Variants in XKR9 observed in about 807,000 individuals in gnomAD.
The protein encoded by XKR9 is XK related 9.
In XKR9, 32 loss-of-function variants were observed where a neutral mutation model predicts 32.0. That is an observed-to-expected ratio of 1.00 (90% confidence interval 0.76 to 1.34). The LOEUF (loss-of-function observed/expected upper bound fraction) is 1.34, where lower values mean the gene tolerates loss of function less well. XKR9 is among the 40% of genes most tolerant of loss of function. The probability of loss-of-function intolerance (pLI) is 0.00; values close to 1 mark genes in which losing one functional copy is unlikely to be tolerated. For synonymous variants in XKR9, 168 were observed against 143.4 expected, an observed-to-expected ratio of 1.17 and a Z score of -1.22; for missense variants, 546 against 429.7, an observed-to-expected ratio of 1.27 and a Z score of -2.39.
chr8:70,681,038 G>T lies in XKR9; in HGVS notation c.-21G>T, dbSNP rs375091216. On this transcript the variant is annotated 5_prime_UTR_variant, in exon 3 of 5. Transcript: ENST00000408926. ...TGTGAGGGAGAAAAAAGTAGATAAC[G>T]AAAAGCTATAGTCATTCGTAATGAA... The T allele has an allele frequency of 1.3e-6, 2 of 1,573,774 alleles. No individual in the cohort carries two copies. The highest frequency in any genetic ancestry group is 1.7e-6 in the Non-Finnish European group (2 of 1,160,438).
chr8:70,733,665 T>C, intron 4 of XKR9, 131 bp from the exon 5 acceptor site: 1 of 875,768 alleles, frequency 1.1e-6, no homozygotes. Flanking sequence ...CTTCAAAAGA[T>C]TAGATGAGAA....
the XKR9 span, among the ~76,000 whole-genome samples, chr8:70,857,064 C>T: frequency 1.3e-5 from 2 of 152,096 alleles, no homozygotes; most frequent in African/African-American, 2.4e-5. Context: ...ATTAAAAGAA[C>T]TAGAGAAGCA....
At chr8:70,882,203 A>G in the XKR9 span, among the ~76,000 whole-genome samples, 1 of 152,158 alleles carries the variant, frequency 6.6e-6, no homozygotes, top group Non-Finnish European at 1.5e-5. Flanking sequence ...TGGTTCATGT[A>G]TACCTATGTA....
At chr8:70,754,604 C>T (rs186074591) in intron 2 of XKR9, among the ~76,000 whole-genome samples, 54 of 151,280 alleles carry the variant, frequency 3.6e-4, no homozygotes, top group Non-Finnish European at 6.6e-4. Flanking sequence ...TCAGAAATAA[C>T]GCCGCACATC....
chr8:70,773,477 A>G (rs1367177587), intron 2 of XKR9, among the ~76,000 whole-genome samples: 1 of 152,290 alleles, frequency 6.6e-6, no homozygotes, highest in Non-Finnish European at 1.5e-5. Flanking sequence ...CAAGCTCCAC[A>G]TGCAAAATTG....
the XKR9 span, among the ~76,000 whole-genome samples, chr8:70,999,091 T>C: frequency 3.9e-5 from 6 of 152,124 alleles, no homozygotes; most frequent in Admixed American, 6.6e-5. Context: ...CTCTCTCTCT[T>C]GCATAGGGAA....
chr8:70,946,007 C>T, the XKR9 span, among the ~76,000 whole-genome samples: 4 of 151,996 alleles, frequency 2.6e-5, no homozygotes, highest in African/African-American at 7.2e-5. Flanking sequence ...TGGTGGTGCG[C>T]GCCTGTAGTC....
chr8:70,975,342 C>G, the XKR9 span, among the ~76,000 whole-genome samples: 2 of 152,116 alleles, frequency 1.3e-5, no homozygotes, highest in African/African-American at 4.8e-5. Context: ...ATGGTATTGC[C>G]TAGGTTTTCT....
chr8:71,010,494 C>T, the XKR9 span, among the ~76,000 whole-genome samples: 2 of 152,154 alleles, frequency 1.3e-5, no homozygotes, highest in South Asian at 2.1e-4. Context: ...CTCTTTCTTA[C>T]GTCTGGATTA....
At chr8:71,050,252 T>G in the XKR9 span, among the ~76,000 whole-genome samples, 129 of 126,214 alleles carry the variant, frequency 1.0e-3, 1 homozygote, top group African/African-American at 4.2e-3. Flanking sequence ...TATATATATA[T>G]ATATATATAG....
chr8:70,922,074 A>G, the XKR9 span, among the ~76,000 whole-genome samples: 3 of 152,194 alleles, frequency 2.0e-5, no homozygotes, highest in African/African-American at 7.2e-5. Flanking sequence ...AGAAGCAATG[A>G]GTAAAGATGT....
the XKR9 span, among the ~76,000 whole-genome samples, chr8:71,043,846 T>A: frequency 1.3e-5 from 2 of 152,130 alleles, no homozygotes; most frequent in Non-Finnish European, 2.9e-5. Flanking sequence ...TTTTATATAT[T>A]GATATATAAA....
In XKR9 at chr8:70,769,587, G is replaced by A. The variant is rs116120555; in HGVS notation, n.353-19752G>A. Among the ~76,000 whole-genome samples the A allele has an allele frequency of 7.7e-3, 1,177 of 151,998 alleles. 11 individuals are homozygous for A. Among genetic ancestry groups the A allele is most frequent in the African/African-American group, 0.022 (918 of 41,456 alleles). ...TTTCAGGTACACCAATGAATTGTAC[G>A]TTTGGTTTTTTCATGTAGTCCCATA... On this transcript the variant is annotated intron_variant and non_coding_transcript_variant, in intron 2 of 3. Transcript: ENST00000520273.
At chr8:70,903,951 G>A in the XKR9 span, among the ~76,000 whole-genome samples, 5 of 152,136 alleles carry the variant, frequency 3.3e-5, no homozygotes, top group Non-Finnish European at 7.4e-5. Context: ...GAGTGGTTTT[G>A]AGTGAGTTTC....
chr8:71,052,826 C>G, the XKR9 span, among the ~76,000 whole-genome samples: 1 of 152,154 alleles, frequency 6.6e-6, no homozygotes, highest in African/African-American at 2.4e-5. Flanking sequence ...GCATACAGGC[C>G]CCATGGCAGG....
chr8:70,730,079 T>G (rs1363559684), intron 4 of XKR9, among the ~76,000 whole-genome samples: 1 of 152,210 alleles, frequency 6.6e-6, no homozygotes, highest in African/African-American at 2.4e-5. Flanking sequence ...GCAAAACCCT[T>G]TACTCTGAAG....
At chr8:70,736,298 C>T (rs545513081), downstream of XKR9, among the ~76,000 whole-genome samples, 6 of 145,762 alleles carry the variant, frequency 4.1e-5, no homozygotes, top group East Asian at 1.2e-3. Context: ...GTCCTTCGCC[C>T]ACTTTTTGAT....
At chr8:70,748,888 A>G (rs1038044959) in intron 2 of XKR9, among the ~76,000 whole-genome samples, 19 of 152,108 alleles carry the variant, frequency 1.2e-4, no homozygotes, top group African/African-American at 3.1e-4. Flanking sequence ...CATTGGGACT[A>G]CAAGCTCTGG....
At chr8:70,996,052 A>G in the XKR9 span, among the ~76,000 whole-genome samples, 1 of 152,214 alleles carries the variant, frequency 6.6e-6, no homozygotes, top group Non-Finnish European at 1.5e-5. Context: ...GAAAAAAACA[A>G]AATACTTTTC....
Sources: allele counts gnomAD v4.1 joint callset (sites outside exome capture counted in the v4.1 genomes callset), GRCh38; gene constraint gnomAD v4.1.1; transcripts MANE v1.5; gene names NCBI Gene and HGNC (gene_info 2026-07-23, HGNC 2026-07-21).